The following CALN1 variants were observed in gnomAD, a reference collection of about 807,000 sequenced individuals.
CALN1 encodes calneuron 1.
CALN1 carries 17 observed loss-of-function variants against 30.6 expected under a neutral mutation model. The ratio of observed to expected loss-of-function variants is 0.56; its 90% CI spans 0.38 to 0.83. The LOEUF (loss-of-function observed/expected upper bound fraction) is 0.83. Among genes scored for constraint, CALN1 ranks in the 40% least tolerant of loss-of-function variants. The probability of loss-of-function intolerance (pLI) is 0.00; values close to 1 mark genes in which losing one functional copy is unlikely to be tolerated. For missense variants in CALN1, 291 were observed against 354.9 expected (o/e 0.82, Z 1.45); for synonymous variants, 156 against 131.4 (o/e 1.19, Z -1.28).
intron 2 of CALN1, among the ~76,000 whole-genome samples, chr7:72,295,404 G>A (rs560633234): frequency 6.6e-6 from 1 of 151,976 alleles, no homozygotes; most frequent in Non-Finnish European, 1.5e-5. Context: ...GTGAAGAAAG[G>A]CATTGGTAGC....
chr7:72,396,307 C>CAGCT (rs1805949271), intron 2 of CALN1, among the ~76,000 whole-genome samples: 1 of 146,226 alleles, frequency 6.8e-6, no homozygotes, highest in African/African-American at 2.5e-5. Context: ...CCTGTAATCC[C>CAGCT]AGCTACTCGG....
intron 5 of CALN1, among the ~76,000 whole-genome samples, chr7:71,992,730 T>G (rs1375666752): frequency 6.6e-6 from 1 of 152,192 alleles, no homozygotes; most frequent in Non-Finnish European, 1.5e-5. Context: ...TGGCTATTCT[T>G]ACCTTTGGGC....
intron 3 of CALN1, among the ~76,000 whole-genome samples, chr7:72,278,472 T>TACACACACACACACACACACACAC (rs59010102): frequency 4.9e-5 from 7 of 143,982 alleles, no homozygotes; most frequent in Admixed American, 1.4e-4. Context: ...ATCAGGTCTG[T>TACACACACACACACACACACACAC]ACACACACAC....
chr7:72,226,226 CAA>C (rs1290884841), intron 3 of CALN1, among the ~76,000 whole-genome samples: 1 of 151,680 alleles, frequency 6.6e-6, no homozygotes, highest in Non-Finnish European at 1.5e-5. Flanking sequence ...ACCTGGGTGA[CAA>C]GAGTGAAAAT....
chr7:72,421,049 C>T (rs4719237), intron 1 of CALN1, among the ~76,000 whole-genome samples: 7,647 of 152,188 alleles, frequency 0.05, 457 homozygotes, highest in East Asian at 0.26. Flanking sequence ...ACTGCACTTT[C>T]CTTTGCGTCC....
intron 5 of CALN1, among the ~76,000 whole-genome samples, chr7:71,970,567 G>A (rs1797743380): frequency 6.6e-6 from 1 of 151,094 alleles, no homozygotes; most frequent in South Asian, 2.1e-4. Context: ...TTTGGGACTT[G>A]TATCTGCAAA....
intron 5 of CALN1, among the ~76,000 whole-genome samples, chr7:71,972,261 A>G (rs1797885806): frequency 6.6e-6 from 1 of 152,186 alleles, no homozygotes; most frequent in Non-Finnish European, 1.5e-5. Context: ...AACACCCCAC[A>G]GGATTTTTCA....
chr7:72,111,162 A>C (rs1247308722), intron 3 of CALN1, among the ~76,000 whole-genome samples: 1 of 152,208 alleles, frequency 6.6e-6, no homozygotes, highest in Non-Finnish European at 1.5e-5. Context: ...CTAGTATGCC[A>C]ATTTTAACCA....
chr7:72,195,889 T>A (rs948765908), intron 3 of CALN1, among the ~76,000 whole-genome samples: 1 of 152,216 alleles, frequency 6.6e-6, no homozygotes, highest in African/African-American at 2.4e-5. Flanking sequence ...TCCAATGGAA[T>A]ATGATTCAGC....
chr7:72,490,704 G>A, the CALN1 span, among the ~76,000 whole-genome samples: 1 of 152,192 alleles, frequency 6.6e-6, no homozygotes, highest in African/African-American at 2.4e-5. Context: ...CTTCCCCTTT[G>A]CACTTTCTCT....
chr7:72,234,116 G>A (rs1484709151), intron 3 of CALN1, among the ~76,000 whole-genome samples: 1 of 152,208 alleles, frequency 6.6e-6, no homozygotes, highest in Non-Finnish European at 1.5e-5. Context: ...GAAACAGTAA[G>A]GTTGAGAAGA....
intron 5 of CALN1, among the ~76,000 whole-genome samples, chr7:71,921,992 C>T (rs998245067): frequency 1.6e-4 from 24 of 152,136 alleles, no homozygotes; most frequent in African/African-American, 5.8e-4. Context: ...ACAATGAGTG[C>T]GTTCTTACTG....
intron 2 of CALN1, among the ~76,000 whole-genome samples, chr7:72,390,305 C>A (rs1228157202): frequency 6.6e-6 from 1 of 151,968 alleles, no homozygotes; most frequent in African/African-American, 2.4e-5. Flanking sequence ...GTGGCAGGCA[C>A]CTGTAATCTC....
intron 3 of CALN1, among the ~76,000 whole-genome samples, chr7:72,245,187 T>C (rs1795079692): frequency 6.6e-6 from 1 of 152,178 alleles, no homozygotes; most frequent in African/African-American, 2.4e-5. Flanking sequence ...CAAGTTTTCA[T>C]GAATCATCTG....
intron 4 of CALN1, among the ~76,000 whole-genome samples, chr7:72,054,084 G>A (rs6976099): frequency 0.42 from 63,208 of 151,806 alleles, 14,522 homozygotes; most frequent in East Asian, 0.96. Context: ...TTGCTATTGC[G>A]AATTGTGCTG....
intron 1 of CALN1, among the ~76,000 whole-genome samples, chr7:72,444,024 TA>T (rs1288733889): frequency 6.7e-6 from 1 of 149,796 alleles, no homozygotes; most frequent in Non-Finnish European, 1.5e-5. Context: ...ATTAATTAAT[TA>T]AAAAATTATT....
At chr7:72,430,114 C>T (rs982779951) in intron 1 of CALN1, among the ~76,000 whole-genome samples, 17 of 150,520 alleles carry the variant, frequency 1.1e-4, no homozygotes, top group Non-Finnish European at 1.8e-4. Context: ...AGCCACCGCC[C>T]GGCCTGTAAT....
At chr7:72,412,463 G>C (rs1807249648), upstream of CALN1, 1 of 152,068 alleles carries the variant, frequency 6.6e-6, no homozygotes, top group African/African-American at 2.4e-5. Flanking sequence ...CCATTTTACA[G>C]AGTGCTGATT....
At chr7:72,276,701 C>T (rs1417148152) in intron 3 of CALN1, among the ~76,000 whole-genome samples, 3 of 152,102 alleles carry the variant, frequency 2.0e-5, no homozygotes, top group African/African-American at 7.2e-5. Flanking sequence ...CTTACCCTCT[C>T]TCGCCTTTCC....
Sources: allele counts gnomAD v4.1 joint callset (sites outside exome capture counted in the v4.1 genomes callset), GRCh38; gene constraint gnomAD v4.1.1; transcripts MANE v1.5; gene names NCBI Gene and HGNC (gene_info 2026-07-23, HGNC 2026-07-21).